The following RREB1 variants were observed in gnomAD, a reference collection of about 807,000 sequenced individuals.
The protein encoded by RREB1 is ras responsive element binding protein 1.
A neutral mutation model predicts 117.8 loss-of-function variants in RREB1; 27 were observed. That is an observed-to-expected ratio of 0.23 (90% CI 0.17 to 0.32). The LOEUF is 0.32. Among genes scored for constraint, RREB1 ranks in the 10% least tolerant of loss-of-function variants. RREB1 has a pLI of 1.00. For synonymous variants in RREB1, 1,298 were observed against 1,026.7 expected (o/e 1.26, Z -5.05); for missense variants, 2,577 against 2,378.2 (o/e 1.08, Z -1.74).
intron 1 of RREB1, among the ~76,000 whole-genome samples, chr6:7,121,288 G>A (rs1761669268): frequency 6.6e-6 from 1 of 152,130 alleles, no homozygotes; most frequent in South Asian, 2.1e-4. Flanking sequence ...GCACTGAAGT[G>A]TGTTTTAGCG....
intron 1 of RREB1, among the ~76,000 whole-genome samples, chr6:7,142,062 A>G (rs1264718449): frequency 1.3e-5 from 2 of 152,176 alleles, no homozygotes; most frequent in African/African-American, 2.4e-5. Context: ...AAAAAATACA[A>G]AAATTAGCTG....
Position 7,249,626 on chromosome 6 carries a change from C to G in RREB1, c.*658C>G, listed in dbSNP as rs1216300645. ...AACCAGGGAAGATTCTAGCTTCAGC[C>G]TCATGTCCATTTCCAGTCTGTCAGC... On this transcript the variant is annotated 3_prime_UTR_variant, in exon 13 of 13. Transcript: ENST00000379938. 3 of 152,110 alleles carry G rather than the reference C, an allele frequency of 2.0e-5. No individual in the cohort carries two copies. Among genetic ancestry groups the G allele is most frequent in the African/African-American group, 7.2e-5 (3 of 41,408 alleles). 9.4% of individuals were successfully genotyped at this position (152,110 alleles called of 1,614,324 possible).
chr6:7,142,201 G>A (rs1376675969), intron 1 of RREB1, among the ~76,000 whole-genome samples: 2 of 150,470 alleles, frequency 1.3e-5, no homozygotes, highest in African/African-American at 2.5e-5. Flanking sequence ...GGCAACAAGA[G>A]TGAAACTCCG....
intron 1 of RREB1, among the ~76,000 whole-genome samples, chr6:7,113,534 T>C (rs1206407283): frequency 1.3e-5 from 2 of 152,062 alleles, no homozygotes; most frequent in African/African-American, 4.8e-5. Flanking sequence ...ACTGTGGGAG[T>C]TGGGTGGGTA....
intron 1 of RREB1, among the ~76,000 whole-genome samples, chr6:7,156,100 A>AACCACGGGGTTTT (rs1561749333): frequency 6.6e-6 from 1 of 152,240 alleles, no homozygotes; most frequent in Non-Finnish European, 1.5e-5. Context: ...GCCAGGGCTT[A>AACCACGGGGTTTT]ACCACGGGGT....
At chr6:7,245,717 A>C (rs2113192458) in intron 11 of RREB1, among the ~76,000 whole-genome samples, 1 of 152,330 alleles carries the variant, frequency 6.6e-6, no homozygotes, top group Non-Finnish European at 1.5e-5. Flanking sequence ...AGGCACCCAC[A>C]GCCCTTCACA....
chr6:7,172,690 G>GT (rs1261448849), intron 1 of RREB1, among the ~76,000 whole-genome samples: 15 of 140,226 alleles, frequency 1.1e-4, no homozygotes, highest in Admixed American at 2.8e-4. Context: ...GGTTGCCGGT[G>GT]TGGGGGGGTG....
chr6:7,235,017 C>T (rs1429304626), intron 10 of RREB1, among the ~76,000 whole-genome samples: 1 of 152,206 alleles, frequency 6.6e-6, no homozygotes, highest in Non-Finnish European at 1.5e-5. Context: ...CACTGTGGAT[C>T]AGAATGTTAT....
chr6:7,245,032 C>T (rs1031535019), intron 11 of RREB1, among the ~76,000 whole-genome samples: 3 of 152,208 alleles, frequency 2.0e-5, no homozygotes, highest in East Asian at 3.8e-4. Flanking sequence ...AGGGGCATCT[C>T]GTACTTGTGC....
At chr6:7,161,224 C>T (rs1395110570) in intron 1 of RREB1, among the ~76,000 whole-genome samples, 1 of 152,040 alleles carries the variant, frequency 6.6e-6, no homozygotes, top group Non-Finnish European at 1.5e-5. Context: ...AGAGGTCAGC[C>T]TGCTTATGAC....
rs116714070 is a variant in RREB1, at chr6:7,120,737, C to G, written c.-285+12677C>G. ...ACAGGGTGGAGTGCAGCCTCGACCT[C>G]GTGGGCCCAAGTGATCCTCCCACCT... On this transcript the variant is annotated intron_variant, in intron 1 of 12. Coordinates refer to ENST00000379938, the MANE Select transcript of RREB1 (RefSeq NM_001003699.4). Among the ~76,000 whole-genome samples, 1,009 of 150,560 alleles carry G rather than the reference C, an allele frequency of 6.7e-3. 9 individuals are homozygous for G. Among genetic ancestry groups the G allele is most frequent in the African/African-American group, 0.023 (942 of 40,926 alleles).
chr6:7,190,228 T>C (rs1372620334), intron 6 of RREB1, among the ~76,000 whole-genome samples: 1 of 152,198 alleles, frequency 6.6e-6, no homozygotes, highest in Non-Finnish European at 1.5e-5. Flanking sequence ...TTTTCTATCC[T>C]CAAGCAAGTT....
At chr6:7,127,861 TC>T (rs1762004204) in intron 1 of RREB1, among the ~76,000 whole-genome samples, 1 of 152,078 alleles carries the variant, frequency 6.6e-6, no homozygotes, top group East Asian at 1.9e-4. Context: ...CCTCAGATGT[TC>T]CTGGTCCTCT....
chr6:7,230,655 C>G lies in RREB1; in HGVS notation c.2556C>G (p.Ala852=). 6.3e-7 allele frequency: 1 copy of G among 1,599,222 alleles called. No homozygotes were observed. The highest frequency in any genetic ancestry group is 8.5e-7 in the Non-Finnish European group (1 of 1,172,912). ...SGRGEDSGCA[A]LGDCKPLTAF... The stretch of plus-strand genomic sequence containing the variant: ...GCGGGGAGGACAGTGGCTGCGCTGC[C>G]CTTGGTGACTGCAAGCCCCTCACTG... The change falls in exon 10 of 13, where the codon GCC becomes GCG. Residue 852 remains alanine, a synonymous_variant. Coordinates refer to ENST00000379938, the MANE Select transcript of RREB1 (RefSeq NM_001003699.4).
intron 1 of RREB1, chr6:7,108,707 C>G (rs1561718250): frequency 6.6e-6 from 1 of 152,450 alleles, no homozygotes; most frequent in Admixed American, 6.5e-5. Flanking sequence ...CCTAAGGTAT[C>G]CGGGGGTGCC....
intron 1 of RREB1, among the ~76,000 whole-genome samples, chr6:7,115,283 A>C (rs1027092416): frequency 2.6e-5 from 4 of 152,074 alleles, no homozygotes; most frequent in Non-Finnish European, 5.9e-5. Context: ...CTCAGACCAG[A>C]AATGTCTAAT....
chr6:7,173,239 T>C (rs1231282611), intron 1 of RREB1, among the ~76,000 whole-genome samples: 2 of 152,104 alleles, frequency 1.3e-5, no homozygotes, highest in Non-Finnish European at 2.9e-5. Context: ...CTGGGGGCCT[T>C]AGGACAGAGT....
rs776392947 is a variant in RREB1, at chr6:7,248,780, A to G, written c.5041A>G (p.Thr1681Ala). Reference protein sequence around the residue: ...RSRKEGLASATKDCSHREEKV... With the variant: ...RSRKEGLASAAKDCSHREEKV... The stretch of plus-strand genomic sequence containing the variant: ...CCGGAAGGAGGGCTTGGCCAGTGCC[A>G]CCAAGGACTGCAGCCACAGGGAGGA... Residue 1681 changes from threonine to alanine, a missense_variant, in exon 13 of 13, where the codon ACC becomes GCC. Physicochemically the swap from Thr to Ala is moderately conservative, Grantham distance 58. Coordinates refer to ENST00000379938, the MANE Select transcript of RREB1 (RefSeq NM_001003699.4). 6.2e-7 allele frequency: 1 copy of G among 1,613,986 alleles called. No individual in the cohort carries two copies. The highest frequency in any genetic ancestry group is 8.5e-7 in the Non-Finnish European group (1 of 1,179,986).
Position 7,236,509 on chromosome 6 carries a change from T to C in RREB1, c.3809-3929T>C, listed in dbSNP as rs542681175. 7.2e-5 allele frequency among the ~76,000 whole-genome samples: 11 copies of C among 152,288 alleles called. No homozygotes were observed. The South Asian group carries it at 2.1e-3, about 29-fold the overall frequency. On this transcript the variant is annotated intron_variant, in intron 10 of 12. Transcript: ENST00000379938. ...CTTTCTTAAAAGACAGCTTTGGCCGTTTGTACCCAGTCCTGTGTACACTTC... is the reference window on the plus strand; with the variant it reads ...CTTTCTTAAAAGACAGCTTTGGCCGCTTGTACCCAGTCCTGTGTACACTTC...
Sources: gnomAD v4.1 joint callset for allele counts (sites outside exome capture counted in the v4.1 genomes callset) on GRCh38, gnomAD v4.1.1 for gene constraint, MANE v1.5 for transcripts, NCBI Gene and HGNC (gene_info 2026-07-23, HGNC 2026-07-21) for gene names.